Variants in PTPRD observed in about 807,000 individuals in gnomAD.
PTPRD encodes protein tyrosine phosphatase receptor type D.
In PTPRD, 34 loss-of-function variants were observed where a neutral mutation model predicts 214.5. The observed-to-expected ratio is 0.16, with a 90% CI of 0.12 to 0.21. The LOEUF (loss-of-function observed/expected upper bound fraction) is 0.21, where lower values mean the gene tolerates loss of function less well. Among genes scored for constraint, PTPRD ranks in the 10% least tolerant of loss-of-function variants. PTPRD has a pLI of 1.00. For missense variants in PTPRD, 2,545 were observed against 2,398.7 expected (o/e 1.06, Z -1.27); for synonymous variants, 1,128 against 845.7 (o/e 1.33, Z -5.79).
chr9:9,014,206 T>G (rs1435618075), intron 11 of PTPRD, among the ~76,000 whole-genome samples: 2 of 151,644 alleles, frequency 1.3e-5, no homozygotes, highest in Non-Finnish European at 2.9e-5. Flanking sequence ...TTTGTTTTTT[T>G]TTTTTTTCTG....
chr9:9,407,789 T>A (rs2074027533), intron 8 of PTPRD, among the ~76,000 whole-genome samples: 2 of 151,852 alleles, frequency 1.3e-5, no homozygotes, highest in Non-Finnish European at 3.0e-5. Context: ...CAGTTCCTTG[T>A]ACACGCTAAT....
chr9:9,543,719 T>G (rs2154275885), intron 8 of PTPRD, among the ~76,000 whole-genome samples: 1 of 151,658 alleles, frequency 6.6e-6, no homozygotes, highest in East Asian at 1.9e-4. Flanking sequence ...CAAAAACAAA[T>G]CAAAGAACAA....
chr9:8,438,776 CAG>C (rs1430855799), intron 34 of PTPRD: 1 of 152,108 alleles, frequency 6.6e-6, no homozygotes, highest in Non-Finnish European at 1.5e-5. Flanking sequence ...AGGGAGGACA[CAG>C]AGCCAATCAG....
chr9:10,338,708 A>G lies in PTPRD; in HGVS notation c.-545+2255T>C, dbSNP rs148643828. Among the ~76,000 whole-genome samples, 1,147 of 151,878 alleles carry G rather than the reference A, an allele frequency of 7.6e-3. 6 individuals are homozygous for G. The highest frequency in any genetic ancestry group is 0.014 in the Middle Eastern group (4 of 294). The stretch of plus-strand genomic sequence containing the variant: ...GCTTTCTTAGAAGCTCAAAACTGTT[A>G]ATATGTATTGACTTAGCAAAAAGAA... On this transcript the variant is annotated intron_variant, in intron 3 of 45. Coordinates refer to ENST00000381196, the MANE Select transcript of PTPRD (RefSeq NM_002839.4).
intron 3 of PTPRD, among the ~76,000 whole-genome samples, chr9:10,047,335 T>TGTGTGTGTGTGTGC (rs1555512614): frequency 1.3e-5 from 2 of 149,526 alleles, no homozygotes; most frequent in Middle Eastern, 3.2e-3. Context: ...TGTGTGTGTG[T>TGTGTGTGTGTGTGC]GTGCGTGTGT....
At chr9:9,822,700 A>G (rs2051213789) in intron 5 of PTPRD, among the ~76,000 whole-genome samples, 1 of 151,954 alleles carries the variant, frequency 6.6e-6, no homozygotes, top group South Asian at 2.1e-4. Flanking sequence ...CACAACCTAC[A>G]CGTACTACAG....
chr9:9,580,162 A>C (rs1015136030), intron 7 of PTPRD, among the ~76,000 whole-genome samples: 4 of 152,060 alleles, frequency 2.6e-5, no homozygotes, highest in Admixed American at 6.6e-5. Context: ...ATAGAACTGC[A>C]ATAAACATAT....
intron 3 of PTPRD, among the ~76,000 whole-genome samples, chr9:10,157,320 G>C (rs2099099767): frequency 6.6e-6 from 1 of 152,094 alleles, no homozygotes; most frequent in African/African-American, 2.4e-5. Context: ...TTGTAAGGCT[G>C]GTCTGGTTTT....
chr9:8,624,914 A>T (rs2095965872), intron 14 of PTPRD, among the ~76,000 whole-genome samples: 1 of 151,808 alleles, frequency 6.6e-6, no homozygotes, highest in South Asian at 2.1e-4. Flanking sequence ...TATTTTGTTC[A>T]TTATATGTAA....
intron 2 of PTPRD, among the ~76,000 whole-genome samples, chr9:10,364,533 G>A (rs1291502921): frequency 6.6e-6 from 1 of 152,104 alleles, no homozygotes; most frequent in Non-Finnish European, 1.5e-5. Flanking sequence ...ACTCCAGGCT[G>A]CTTCTCTTTA....
At chr9:9,324,513 C>T (rs1968722845) in intron 9 of PTPRD, among the ~76,000 whole-genome samples, 1 of 152,144 alleles carries the variant, frequency 6.6e-6, no homozygotes, top group Non-Finnish European at 1.5e-5. Context: ...TGTTCATATC[C>T]TTTGCCCACT....
chr9:10,325,254 C>T (rs1298435177), intron 3 of PTPRD, among the ~76,000 whole-genome samples: 1 of 151,918 alleles, frequency 6.6e-6, no homozygotes, highest in East Asian at 1.9e-4. Context: ...GGAAATGCTG[C>T]TACTATTGTT....
intron 12 of PTPRD, among the ~76,000 whole-genome samples, chr9:8,717,430 A>G (rs1199126380): frequency 6.6e-6 from 1 of 152,158 alleles, no homozygotes; most frequent in East Asian, 1.9e-4. Flanking sequence ...TTGGTATCCC[A>G]TATTCAAAAA....
chr9:10,133,500 T>C (rs1057338274), intron 3 of PTPRD, among the ~76,000 whole-genome samples: 2 of 152,116 alleles, frequency 1.3e-5, no homozygotes, highest in Non-Finnish European at 2.9e-5. Flanking sequence ...GTACGTTATA[T>C]ATAAGTACAT....
chr9:9,114,960 T>C (rs1298303018), intron 10 of PTPRD, among the ~76,000 whole-genome samples: 1 of 152,154 alleles, frequency 6.6e-6, no homozygotes, highest in African/African-American at 2.4e-5. Context: ...AGACTCTGCA[T>C]ATACAATGGT....
intron 7 of PTPRD, among the ~76,000 whole-genome samples, chr9:9,647,293 A>G (rs1277313655): frequency 6.6e-6 from 1 of 152,048 alleles, no homozygotes; most frequent in Non-Finnish European, 1.5e-5. Flanking sequence ...AATTTATTTG[A>G]TGACTGCTAA....
chr9:10,415,006 G>A (rs1185178620), intron 2 of PTPRD, among the ~76,000 whole-genome samples: 1 of 151,604 alleles, frequency 6.6e-6, no homozygotes, highest in East Asian at 2.0e-4. Context: ...GTATTAATAG[G>A]TGATGAAGTA....
At chr9:9,955,527 T>C (rs2093833881) in intron 4 of PTPRD, among the ~76,000 whole-genome samples, 1 of 119,408 alleles carries the variant, frequency 8.4e-6, no homozygotes. Context: ...TTTTGTTTTG[T>C]TTTTTTTTTT....
intron 8 of PTPRD, among the ~76,000 whole-genome samples, chr9:9,446,575 G>A (rs1393361628): frequency 6.6e-6 from 1 of 151,998 alleles, no homozygotes; most frequent in African/African-American, 2.4e-5. Flanking sequence ...GATATTTATT[G>A]AGGGCACATT....
Sources: gnomAD v4.1 joint callset for allele counts (sites outside exome capture counted in the v4.1 genomes callset) on GRCh38, gnomAD v4.1.1 for gene constraint, MANE v1.5 for transcripts, NCBI Gene and HGNC (gene_info 2026-07-23, HGNC 2026-07-21) for gene names.